Variants in DNAAF6 observed in about 807,000 individuals in gnomAD.
DNAAF6 encodes dynein axonemal assembly factor 6.
In DNAAF6, 3 loss-of-function variants were observed where a neutral mutation model predicts 13.7. That is an observed-to-expected ratio of 0.22 (90% confidence interval 0.10 to 0.56). DNAAF6 has a LOEUF of 0.56. Ranked by LOEUF, DNAAF6 falls within the 20% of genes least tolerant of loss-of-function variation. DNAAF6 has a pLI of 0.92. For synonymous variants in DNAAF6, 54 were observed against 49.2 expected, an observed-to-expected ratio of 1.10 and a Z score of -0.41; for missense variants, 130 against 151.0, an observed-to-expected ratio of 0.86 and a Z score of 0.73.
At chrX:107,207,248 A>G (rs903622039) in intron 1 of DNAAF6, 1 of 111,474 alleles carries the variant, frequency 9.0e-6, no homozygotes, top group Non-Finnish European at 1.9e-5. Flanking sequence ...TACTACGTGA[A>G]TAATGTCCTT....
At chrX:107,207,295 A>G (rs3747403) in intron 1 of DNAAF6, 33,984 of 110,751 alleles carry the variant, frequency 0.31, 4,999 homozygotes, top group African/African-American at 0.55. Context: ...TGAGGGTTCC[A>G]GTGTTGCTTG....
chrX:107,222,602 A>T (rs1928170469), intron 4 of DNAAF6, 143 bp from the exon 5 acceptor site: 1 of 638,598 alleles, frequency 1.6e-6, no homozygotes, highest in African/African-American at 2.3e-5. Context: ...GTTCTATTAT[A>T]TGCCTGAAGA....
chrX:107,224,064 T>G (rs1242357658), intron 5 of DNAAF6, among the ~76,000 whole-genome samples: 1 of 111,500 alleles, frequency 9.0e-6, no homozygotes, highest in Non-Finnish European at 1.9e-5. Flanking sequence ...AAAGGTATCC[T>G]GAATGAAGAA....
chrX:107,212,815 C>T, intron 1 of DNAAF6, 58 bp from the exon 2 acceptor site: 1 of 1,073,214 alleles, frequency 9.3e-7, no homozygotes, highest in Non-Finnish European at 1.2e-6. Flanking sequence ...AAAACATCTT[C>T]ATGTCTTAAA....
At chrX:107,237,430 G>A (rs909587519) in intron 5 of DNAAF6, among the ~76,000 whole-genome samples, 5 of 111,984 alleles carry the variant, frequency 4.5e-5, no homozygotes, top group African/African-American at 1.6e-4. Flanking sequence ...CCTATATATA[G>A]ACATCAACTT....
At chrX:107,216,133 C>G (rs1432461133) in intron 2 of DNAAF6, among the ~76,000 whole-genome samples, 2 of 111,437 alleles carry the variant, frequency 1.8e-5, no homozygotes, top group African/African-American at 3.3e-5. Context: ...TGTCATGAGG[C>G]GGTGGGACAG....
At chrX:107,229,898 A>G (rs895714416) in intron 5 of DNAAF6, among the ~76,000 whole-genome samples, 2 of 110,092 alleles carry the variant, frequency 1.8e-5, no homozygotes, top group Non-Finnish European at 3.8e-5. Flanking sequence ...CGTGTTAGCC[A>G]GGATGGTCTC....
At chrX:107,210,049 G>T (rs1927816242) in intron 1 of DNAAF6, among the ~76,000 whole-genome samples, 1 of 111,184 alleles carries the variant, frequency 9.0e-6, no homozygotes, top group African/African-American at 3.3e-5. Context: ...ATGGTAATGA[G>T]CTGGTTCTGG....
intron 5 of DNAAF6, among the ~76,000 whole-genome samples, chrX:107,233,958 T>C (rs1305729953): frequency 8.9e-6 from 1 of 111,778 alleles, no homozygotes; most frequent in African/African-American, 3.2e-5. Flanking sequence ...TTGTGGTTAT[T>C]GACAAATAGA....
At chrX:107,240,585 A>G (rs1221993082) in intron 6 of DNAAF6, among the ~76,000 whole-genome samples, 2 of 111,977 alleles carry the variant, frequency 1.8e-5, no homozygotes, top group East Asian at 5.6e-4. Context: ...AACTGAATTG[A>G]CCAGTGGTTT....
chrX:107,241,785 T>C (rs963205060), intron 6 of DNAAF6, among the ~76,000 whole-genome samples: 1 of 111,792 alleles, frequency 8.9e-6, no homozygotes, highest in Non-Finnish European at 1.9e-5. Context: ...TACACAGAAA[T>C]GCAGGCGTAG....
At chrX:107,243,133 A>G (rs1240789229) in intron 6 of DNAAF6, 36 bp from the exon 7 acceptor site, 4 of 1,185,061 alleles carry the variant, frequency 3.4e-6, no homozygotes, top group Non-Finnish European at 3.4e-6. Flanking sequence ...ACATCATTTT[A>G]GGAAGCTAAG....
In DNAAF6 at chrX:107,229,127, CTTTTTTTTTTTTT is replaced by C. The variant is rs768372176; in HGVS notation, c.429+6302_429+6314del. ...GCAGCATTCCACCCTGTTGACTACT[CTTTTTTTTTTTTT>C]TTTTTTTTTTTTTTTGAGACAGAGT... On this transcript the variant is annotated intron_variant, in intron 5 of 6. Transcript: ENST00000372453. Among the ~76,000 whole-genome samples the C allele has an allele frequency of 7.8e-5, 4 of 51,596 alleles. No homozygotes were observed. In the Admixed American group the frequency reaches 8.1e-4, roughly 10 times the overall value. 44.8% of individuals were successfully genotyped at this position (51,596 alleles called of 115,157 possible). A position where few individuals can be genotyped will look rare whatever the true frequency, so the allele number is the denominator to read the frequency against.
At chrX:107,222,991 C>A in intron 5 of DNAAF6, 150 bp downstream of exon 5, 2 of 739,685 alleles carry the variant, frequency 2.7e-6, no homozygotes, top group Non-Finnish European at 3.6e-6. Flanking sequence ...ATGGGATAGA[C>A]AGTTTAAAAT....
intron 2 of DNAAF6, among the ~76,000 whole-genome samples, chrX:107,215,835 G>A (rs1485472030): frequency 1.8e-5 from 2 of 111,838 alleles, no homozygotes; most frequent in African/African-American, 3.2e-5. Flanking sequence ...GAGTGAGTTG[G>A]AGCTGCAGGG....
At chrX:107,218,772 C>T in intron 3 of DNAAF6, 92 bp from the exon 4 acceptor site, 2 of 884,662 alleles carry the variant, frequency 2.3e-6, no homozygotes, top group South Asian at 2.6e-5. Context: ...TGTTTTATTT[C>T]AATGAACCCA....
At chrX:107,228,113 G>A (rs1928296353) in intron 5 of DNAAF6, among the ~76,000 whole-genome samples, 1 of 111,746 alleles carries the variant, frequency 8.9e-6, no homozygotes, top group Non-Finnish European at 1.9e-5. Context: ...ACCAATACTT[G>A]AGGGATCAAT....
chrX:107,241,059 A>G (rs956031510), intron 6 of DNAAF6, among the ~76,000 whole-genome samples: 1 of 112,071 alleles, frequency 8.9e-6, no homozygotes, highest in Admixed American at 9.5e-5. Context: ...GAAAATAGTT[A>G]TGTCTCCTTC....
intron 6 of DNAAF6, among the ~76,000 whole-genome samples, chrX:107,240,475 A>G (rs770023104): frequency 9.0e-6 from 1 of 111,720 alleles, no homozygotes; most frequent in East Asian, 2.8e-4. Context: ...TTAGTTTCTA[A>G]CTTTGACATC....
Sources: allele counts gnomAD v4.1 joint callset (sites outside exome capture counted in the v4.1 genomes callset), GRCh38; gene constraint gnomAD v4.1.1; transcripts MANE v1.5; gene names NCBI Gene and HGNC (gene_info 2026-07-23, HGNC 2026-07-21).